PIK3C2B: variants seen among roughly 807,000 people sequenced by gnomAD.
The protein encoded by PIK3C2B is phosphatidylinositol 4-phosphate 3-kinase C2 domain-containing subunit beta.
PIK3C2B carries 83 observed loss-of-function variants against 184.3 expected under a neutral mutation model. The observed-to-expected ratio is 0.45, with a 90% CI of 0.38 to 0.54. PIK3C2B has a LOEUF of 0.54. PIK3C2B is among the 20% of genes least tolerant of loss of function. The probability of loss-of-function intolerance (pLI) is 0.00; values close to 1 mark genes in which losing one functional copy is unlikely to be tolerated. For missense variants in PIK3C2B, 1,736 were observed against 2,113.5 expected (o/e 0.82, Z 3.50); for synonymous variants, 779 against 837.6 (o/e 0.93, Z 1.21).
In PIK3C2B at chr1:204,463,307, C is replaced by T. The variant is rs146703065; in HGVS notation, c.1310+705G>A. On this transcript the variant is annotated intron_variant, in intron 5 of 32. Coordinates refer to ENST00000684373, the MANE Select transcript of PIK3C2B (RefSeq NM_001377334.1). Reference sequence around the variant, plus strand: ...GGCTCTGAAGCCTAAGAGAGGAAAGCAGATCTTATCTGTCTGCTGTCACAC... The same window carrying T: ...GGCTCTGAAGCCTAAGAGAGGAAAGTAGATCTTATCTGTCTGCTGTCACAC... Among the ~76,000 whole-genome samples, 415 of 152,286 alleles carry T rather than the reference C, an allele frequency of 2.7e-3. 7 individuals are homozygous for T. The highest frequency in any genetic ancestry group is 5.1e-3 in the African/African-American group (212 of 41,558).
intron 1 of PIK3C2B, 24 bp from the exon 2 acceptor site, chr1:204,469,910 C>A: frequency 1.5e-6 from 1 of 659,722 alleles, no homozygotes; most frequent in East Asian, 2.7e-5. Flanking sequence ...GTAAAAATAT[C>A]AATCAGTCAC....
chr1:204,491,314 G>C (rs553840251), intron 1 of PIK3C2B, among the ~76,000 whole-genome samples: 12 of 152,170 alleles, frequency 7.9e-5, no homozygotes, highest in African/African-American at 2.7e-4. Context: ...CCTTGAACCT[G>C]GGAGACGGAG....
Position 204,425,026 on chromosome 1 carries a change from C to T in PIK3C2B, c.4731G>A (p.Gly1577=). Residue 1577 remains glycine, a synonymous_variant, in exon 33 of 33, where the codon GGG becomes GGA. Transcript: ENST00000684373. ...GCTGCTGCAGGTCACCCTTGGGGAT[C>T]CCATCATATACCAACTGCAAACATA... The part of the protein sequence containing the change: ...PTYNEMLVYD[G]IPKGDLQQRE... The T allele has an allele frequency of 6.2e-7, 1 of 1,613,526 alleles. No homozygotes were observed. Among genetic ancestry groups the T allele is most frequent in the South Asian group, 1.1e-5 (1 of 91,016 alleles).
Position 204,455,948 on chromosome 1 carries a change from C to T in PIK3C2B, c.1851G>A (p.Lys617=), listed in dbSNP as rs1654812821. Residue 617 remains lysine (K), a synonymous_variant, in exon 11 of 33, where the codon AAG becomes AAA. Coordinates refer to ENST00000684373, the MANE Select transcript of PIK3C2B (RefSeq NM_001377334.1). ...GGCAGGCCTCCTGGACCAGGTCATG[C>T]TTGCGGCTCCCGGGCACTGCCGTCT... ...DFQTAVPGSR[K]HDLVQEACHF... The T allele has an allele frequency of 1.2e-6, 2 of 1,614,096 alleles. No individual in the cohort carries two copies. Among genetic ancestry groups the T allele is most frequent in the African/African-American group, 1.3e-5 (1 of 74,938 alleles).
Position 204,437,930 on chromosome 1 carries a change from G to A in PIK3C2B, c.3516+1005C>T, listed in dbSNP as rs142243575. ...GAAGAGGGCTAGAGGAATGGCTTCG[G>A]AGGTCATCAAGATACAGGTGGTAGT... On this transcript the variant is annotated intron_variant, in intron 23 of 32. Coordinates refer to ENST00000684373, the MANE Select transcript of PIK3C2B (RefSeq NM_001377334.1). Among the ~76,000 whole-genome samples the A allele has an allele frequency of 2.4e-4, 36 of 152,330 alleles. No homozygotes were observed. In the East Asian group the frequency reaches 6.2e-3, roughly 26 times the overall value.
At chr1:204,468,211 G>A (rs550773673) in intron 2 of PIK3C2B, among the ~76,000 whole-genome samples, 4 of 152,122 alleles carry the variant, frequency 2.6e-5, no homozygotes, top group Admixed American at 6.5e-5. Context: ...TTACGGTGGC[G>A]AATTTTACGT....
intron 16 of PIK3C2B, among the ~76,000 whole-genome samples, chr1:204,445,206 G>GAAAA (rs771864314): frequency 2.5e-5 from 3 of 117,998 alleles, no homozygotes; most frequent in Non-Finnish European, 1.8e-5. Flanking sequence ...TGCCCCAAAA[G>GAAAA]AAAAAAAAAA....
intron 23 of PIK3C2B, among the ~76,000 whole-genome samples, chr1:204,436,773 C>A (rs1223757078): frequency 6.6e-6 from 1 of 152,132 alleles, no homozygotes; most frequent in Non-Finnish European, 1.5e-5. Context: ...AATCACAACT[C>A]CAGCACCTAG....
intron 29 of PIK3C2B, among the ~76,000 whole-genome samples, chr1:204,428,622 T>C (rs1342916649): frequency 6.6e-6 from 1 of 152,028 alleles, no homozygotes; most frequent in Non-Finnish European, 1.5e-5. Context: ...GGCTCCCAAG[T>C]AGATGAGATT....
intron 30 of PIK3C2B, 66 bp downstream of exon 30, chr1:204,428,073 C>T: frequency 1.1e-6 from 1 of 882,910 alleles, no homozygotes; most frequent in Non-Finnish European, 1.9e-6. Flanking sequence ...GAGGTTGGGG[C>T]AGAAGCAGTT....
chr1:204,425,750 GA>G lies in PIK3C2B; in HGVS notation c.4588-10del. ...CCATCCTGGAGCAGTTGCTACAATA[GA>G]ATGAGAACCAAAAAAATGTTAAGAT... On this transcript the variant is annotated splice_polypyrimidine_tract_variant and intron_variant, in intron 31 of 32. Coordinates refer to ENST00000684373, the MANE Select transcript of PIK3C2B (RefSeq NM_001377334.1). 6.2e-7 allele frequency: 1 copy of G among 1,608,178 alleles called. No homozygotes were observed. Among genetic ancestry groups the G allele is most frequent in the Non-Finnish European group, 8.5e-7 (1 of 1,178,458 alleles).
intron 32 of PIK3C2B, 55 bp downstream of exon 32, chr1:204,425,558 G>A: frequency 6.3e-7 from 1 of 1,581,204 alleles, no homozygotes; most frequent in South Asian, 1.1e-5. Context: ...CTTTATCTAG[G>A]AGAACAGGCG....
intron 13 of PIK3C2B, among the ~76,000 whole-genome samples, 174 bp from the exon 14 acceptor site, chr1:204,449,470 G>A (rs1169842186): frequency 6.6e-6 from 1 of 152,088 alleles, no homozygotes; most frequent in Non-Finnish European, 1.5e-5. Flanking sequence ...AAAAGCTTAC[G>A]CCCTCCAAGA....
At chr1:204,494,124 CTGGAG>C (rs1450865411) in intron 1 of PIK3C2B, among the ~76,000 whole-genome samples, 4 of 152,034 alleles carry the variant, frequency 2.6e-5, no homozygotes, top group African/African-American at 4.8e-5. Flanking sequence ...CCTGAAGCTG[CTGGAG>C]TGGAGTGGAG....
At chr1:204,461,710 A>C (rs910505890) in intron 5 of PIK3C2B, among the ~76,000 whole-genome samples, 2 of 151,952 alleles carry the variant, frequency 1.3e-5, no homozygotes, top group Non-Finnish European at 2.9e-5. Context: ...TGCAGCCAAA[A>C]CCTGGAGGTG....
At chr1:204,491,224 C>G (rs1465398730) in intron 1 of PIK3C2B, among the ~76,000 whole-genome samples, 1 of 151,724 alleles carries the variant, frequency 6.6e-6, no homozygotes, top group Non-Finnish European at 1.5e-5. Flanking sequence ...CCTGTCTCTA[C>G]TAAAAATACA....
At position 204,444,525 on chromosome 1, in the gene PIK3C2B, A is replaced by G. The variant is rs939001150; in HGVS notation, c.2679-101T>C. 1.0e-5 allele frequency: 8 copies of G among 766,404 alleles called. No individual in the cohort carries two copies. The East Asian group carries it at 1.9e-4, about 18-fold the overall frequency. The allele number at this position is 766,404 out of a possible 1,614,324, so 47.5% of individuals were successfully genotyped here. ...CTGGGCTTCAGAGGCATGGAGAAAG[A>G]AAATGCAATGGCCCTAGATTCTGCT... On this transcript the variant is annotated intron_variant, in intron 16 of 32. Coordinates refer to ENST00000684373, the MANE Select transcript of PIK3C2B (RefSeq NM_001377334.1).
rs1674705842 is a variant in PIK3C2B, at chr1:204,425,698, A to G, written c.4631T>C (p.Ile1544Thr). 1 of 1,613,776 alleles carries G rather than the reference A, an allele frequency of 6.2e-7. No individual in the cohort carries two copies. Among genetic ancestry groups the G allele is most frequent in the Non-Finnish European group, 8.5e-7 (1 of 1,179,946 alleles). ...TTTCTGAGGGTCAGGAAGGAGGTAA[A>G]TTTTCACATAGGGGTCAGGGTCATT... is the stretch of plus-strand genomic sequence containing the variant. The part of the protein sequence containing the change: ...DGNDPDPYVK[I>T]YLLPDPQKTT... The change falls in exon 32 of 33, where the codon ATT (isoleucine) becomes ACT (threonine). Residue 1544 changes from isoleucine (I) to threonine (T), a missense_variant. Around this residue, in one of 8 missense-constraint regions of PIK3C2B, gnomAD observed 95 missense variants for 164.2 expected, o/e 0.58. Coordinates refer to ENST00000684373, the MANE Select transcript of PIK3C2B (RefSeq NM_001377334.1).
At chr1:204,439,391 A>C (rs1675521849) in intron 22 of PIK3C2B, among the ~76,000 whole-genome samples, 1 of 152,220 alleles carries the variant, frequency 6.6e-6, no homozygotes. Flanking sequence ...ACCCAGCTTC[A>C]AAAATTGTCA....
Sources: gnomAD v4.1 joint callset for allele counts (sites outside exome capture counted in the v4.1 genomes callset) on GRCh38, gnomAD v4.1.1 for gene constraint, gnomAD v4.1.1 regional missense constraint, MANE v1.5 for transcripts, NCBI Gene and HGNC (gene_info 2026-07-23, HGNC 2026-07-21) for gene names.